Variants in TRAPPC9 observed in about 807,000 individuals in gnomAD.
TRAPPC9 encodes trafficking protein particle complex subunit 9.
In TRAPPC9, 83 loss-of-function variants were observed where a neutral mutation model predicts 124.0. The ratio of observed to expected loss-of-function variants is 0.67; its 90% CI spans 0.56 to 0.80. The LOEUF (loss-of-function observed/expected upper bound fraction) is 0.80. TRAPPC9 is among the 30% of genes least tolerant of loss of function. TRAPPC9 has a pLI of 0.00. For synonymous variants in TRAPPC9, 638 were observed against 617.5 expected (o/e 1.03, Z -0.49); for missense variants, 1,302 against 1,508.3 (o/e 0.86, Z 2.27).
intron 19 of TRAPPC9, among the ~76,000 whole-genome samples, chr8:139,934,923 T>A (rs1679104593): frequency 6.6e-6 from 1 of 152,164 alleles, no homozygotes; most frequent in South Asian, 2.1e-4. Flanking sequence ...CAGGTTAGCT[T>A]TCCGAGGTCT....
At chr8:140,249,850 C>T (rs535270569) in intron 16 of TRAPPC9, among the ~76,000 whole-genome samples, 6 of 151,964 alleles carry the variant, frequency 3.9e-5, no homozygotes, top group Non-Finnish European at 5.9e-5. Flanking sequence ...CCTCGTGATC[C>T]GCCCACCTCG....
At chr8:140,319,066 C>A (rs1317532631) in intron 9 of TRAPPC9, among the ~76,000 whole-genome samples, 1 of 151,832 alleles carries the variant, frequency 6.6e-6, no homozygotes, top group Non-Finnish European at 1.5e-5. Context: ...GATTCCTCAA[C>A]TTATGTCACT....
At chr8:140,324,554 T>C (rs2066689012) in intron 9 of TRAPPC9, among the ~76,000 whole-genome samples, 1 of 152,170 alleles carries the variant, frequency 6.6e-6, no homozygotes, top group African/African-American at 2.4e-5. Context: ...GAGGATTGCT[T>C]GAGCCCAGAA....
intron 21 of TRAPPC9, among the ~76,000 whole-genome samples, chr8:139,795,785 A>G (rs1043411101): frequency 2.0e-5 from 3 of 152,094 alleles, no homozygotes; most frequent in African/African-American, 7.2e-5. Flanking sequence ...GACCTCTGGG[A>G]CAGAAAATCA....
chr8:139,985,552 A>G (rs1837190845), intron 19 of TRAPPC9, among the ~76,000 whole-genome samples: 1 of 152,118 alleles, frequency 6.6e-6, no homozygotes, highest in Admixed American at 6.5e-5. Flanking sequence ...AGCATACACC[A>G]GCCCCACGCG....
At chr8:139,746,394 C>T (rs1469180431) in intron 21 of TRAPPC9, among the ~76,000 whole-genome samples, 1 of 152,158 alleles carries the variant, frequency 6.6e-6, no homozygotes, top group East Asian at 1.9e-4. Flanking sequence ...ATCCTATAGT[C>T]CCCCATCTCC....
rs911458024 is a variant in TRAPPC9, at chr8:139,763,861, G to C, written c.3056-31659C>G. ...GTGATGGAGCAGGCATAGTGTGGAA[G>C]GGGTCAGGTGTTGGGCCTCAGCAGC... On this transcript the variant is annotated intron_variant, in intron 21 of 22. Transcript: ENST00000438773. Among the ~76,000 whole-genome samples, 11 of 152,346 alleles carry C rather than the reference G, an allele frequency of 7.2e-5. No individual in the cohort carries two copies. In the East Asian group the frequency reaches 2.1e-3, roughly 29 times the overall value.
intron 17 of TRAPPC9, chr8:140,098,920 A>T (rs2060511909): frequency 6.6e-6 from 1 of 152,084 alleles, no homozygotes; most frequent in South Asian, 2.1e-4. Context: ...GAGGACACCC[A>T]GGTAGGTCTC....
chr8:140,306,508 A>AG lies in TRAPPC9; in HGVS notation c.1622+4739_1622+4740insC, dbSNP rs534385125. ...ACTCTGTCTCAAAAAAAAAAAAAAA[A>AG]AAGAAGAAGAATTATATGGAGCAAG... On this transcript the variant is annotated intron_variant, in intron 10 of 22. Transcript: ENST00000438773. Among the ~76,000 whole-genome samples, 174 of 151,696 alleles carry AG rather than the reference A, an allele frequency of 1.1e-3. 1 individual carries two copies. The highest frequency in any genetic ancestry group is 9.0e-3 in the South Asian group (43 of 4,774).
intron 15 of TRAPPC9, chr8:140,262,524 G>A (rs569237521): frequency 2.0e-5 from 3 of 150,908 alleles, no homozygotes; most frequent in Non-Finnish European, 4.4e-5. Flanking sequence ...GTATACGGTG[G>A]GGGGGGGCAG....
chr8:140,336,796 T>C (rs2067053765), intron 9 of TRAPPC9, among the ~76,000 whole-genome samples: 1 of 152,110 alleles, frequency 6.6e-6, no homozygotes, highest in Non-Finnish European at 1.5e-5. Flanking sequence ...CTAATGGAAG[T>C]CATCAGTGTT....
At chr8:140,106,940 C>T (rs1369396540) in intron 17 of TRAPPC9, among the ~76,000 whole-genome samples, 2 of 152,120 alleles carry the variant, frequency 1.3e-5, no homozygotes, top group Non-Finnish European at 2.9e-5. Flanking sequence ...CATTTGCAAA[C>T]GTTTACATTT....
intron 19 of TRAPPC9, among the ~76,000 whole-genome samples, chr8:139,936,854 G>A (rs1391822445): frequency 1.2e-5 from 1 of 82,954 alleles, no homozygotes; most frequent in Non-Finnish European, 2.5e-5. Flanking sequence ...ACTGCAGTGT[G>A]GTATAAAGCA....
rs578209784 is a variant in TRAPPC9, at chr8:139,836,939, C to T, written c.3055+48940G>A. On this transcript the variant is annotated intron_variant, in intron 21 of 22. Coordinates refer to ENST00000438773, the MANE Select transcript of TRAPPC9 (RefSeq NM_001160372.4). ...GCTCCTTCTGTCTCTGTGGGTTTGT[C>T]GTTGTTGTTGTTAAAAAAGGAAATG... 3.7e-5 allele frequency among the ~76,000 whole-genome samples: 5 copies of T among 136,272 alleles called. No homozygotes were observed. The South Asian group carries it at 7.2e-4, about 20-fold the overall frequency. 89.4% of individuals were successfully genotyped at this position (136,272 alleles called of 152,430 possible).
At chr8:139,951,005 C>A (rs1834606616) in intron 19 of TRAPPC9, among the ~76,000 whole-genome samples, 1 of 152,192 alleles carries the variant, frequency 6.6e-6, no homozygotes, top group South Asian at 2.1e-4. Flanking sequence ...GAGTGCCTCA[C>A]CTGCTCACGG....
intron 9 of TRAPPC9, among the ~76,000 whole-genome samples, chr8:140,346,144 G>C (rs1237935510): frequency 6.6e-6 from 1 of 152,188 alleles, no homozygotes; most frequent in Non-Finnish European, 1.5e-5. Context: ...AATAGAAACC[G>C]AGCCTTCGAC....
At position 139,865,820 on chromosome 8, in the gene TRAPPC9, G is replaced by A. The variant is rs576945663; in HGVS notation, c.3055+20059C>T. Among the ~76,000 whole-genome samples, 29 of 152,336 alleles carry A rather than the reference G, an allele frequency of 1.9e-4. No homozygotes were observed. The South Asian group carries it at 5.8e-3, about 30-fold the overall frequency. On this transcript the variant is annotated intron_variant, in intron 21 of 22. Coordinates refer to ENST00000438773, the MANE Select transcript of TRAPPC9 (RefSeq NM_001160372.4). ...TCAAACTCTGTAAAATCTTTAAAGA[G>A]ATTGATTCTGAGCCAAGTATGAGTG...
At position 139,861,744 on chromosome 8, in the gene TRAPPC9, G is replaced by C. The variant is rs144544846; in HGVS notation, c.3055+24135C>G. Among the ~76,000 whole-genome samples the C allele has an allele frequency of 1.7e-3, 255 of 152,236 alleles. 1 individual carries two copies. The highest frequency in any genetic ancestry group is 5.8e-3 in the African/African-American group (239 of 41,518). On this transcript the variant is annotated intron_variant, in intron 21 of 22. Coordinates refer to ENST00000438773, the MANE Select transcript of TRAPPC9 (RefSeq NM_001160372.4). ...CCCACAAATCGAGTGGTTTTGAACA[G>C]ACCCCCTGAGTCTCCAAGCCTTGGT...
intron 9 of TRAPPC9, among the ~76,000 whole-genome samples, chr8:140,314,255 T>C (rs1387973235): frequency 6.6e-6 from 1 of 152,244 alleles, no homozygotes; most frequent in East Asian, 1.9e-4. Context: ...TTGTTTAGTA[T>C]CATTATATAC....
Sources: allele counts gnomAD v4.1 joint callset (sites outside exome capture counted in the v4.1 genomes callset), GRCh38; gene constraint gnomAD v4.1.1; transcripts MANE v1.5; gene names NCBI Gene and HGNC (gene_info 2026-07-23, HGNC 2026-07-21).